Variants in RNLS observed in about 807,000 individuals in gnomAD.
RNLS encodes renalase.
In RNLS, 39 loss-of-function variants were observed where a neutral mutation model predicts 39.8. The ratio of observed to expected loss-of-function variants is 0.98; its 90% CI spans 0.76 to 1.28. RNLS has a LOEUF of 1.28. RNLS is among the 50% of genes most tolerant of loss of function. RNLS has a pLI of 0.00. For synonymous variants in RNLS, 147 were observed against 150.7 expected, an observed-to-expected ratio of 0.98 and a Z score of 0.18; for missense variants, 410 against 413.3, an observed-to-expected ratio of 0.99 and a Z score of 0.07.
chr10:88,172,796 T>G, the RNLS span, among the ~76,000 whole-genome samples: 1 of 150,540 alleles, frequency 6.6e-6, no homozygotes, highest in African/African-American at 2.4e-5. Context: ...TTCTAAGAGT[T>G]TAATAGTTTG....
At chr10:88,282,466 GA>G (rs1843048363), downstream of RNLS, among the ~76,000 whole-genome samples, 1 of 143,834 alleles carries the variant, frequency 7.0e-6, no homozygotes, top group African/African-American at 2.6e-5. Context: ...TTAGGAGGAT[GA>G]AAAGTGAAAA....
At chr10:88,310,802 A>G (rs1230638360) in intron 6 of RNLS, among the ~76,000 whole-genome samples, 12 of 111,920 alleles carry the variant, frequency 1.1e-4, no homozygotes, top group Non-Finnish European at 2.3e-4. Context: ...TACCTCTGCC[A>G]AAAAAAAAAA....
intron 4 of RNLS, among the ~76,000 whole-genome samples, chr10:88,562,895 T>A (rs1363262805): frequency 6.6e-6 from 1 of 152,118 alleles, no homozygotes; most frequent in Non-Finnish European, 1.5e-5. Context: ...AAAACTCAGG[T>A]AGGTATATTG....
At chr10:88,474,180 C>T (rs1843686881) in intron 4 of RNLS, among the ~76,000 whole-genome samples, 1 of 151,828 alleles carries the variant, frequency 6.6e-6, no homozygotes, top group Non-Finnish European at 1.5e-5. Flanking sequence ...TTTTAATGTT[C>T]TGTTAGATGA....
rs532400744 is a variant in RNLS at position 88,348,308 on chromosome 10, G to A, written c.700+14244C>T. Among the ~76,000 whole-genome samples, 29 of 152,138 alleles carry A rather than the reference G, an allele frequency of 1.9e-4. No individual in the cohort carries two copies. In the East Asian group the frequency reaches 2.9e-3, roughly 15 times the overall value. On this transcript the variant is annotated intron_variant, in intron 5 of 6. Coordinates refer to ENST00000331772, the MANE Select transcript of RNLS (RefSeq NM_001031709.3). ...CTGATTCTCATTCCTGCTTTCCCCC[G>A]GACAAATGATGGATAGAAACTATAC... is the stretch of plus-strand genomic sequence containing the variant.
chr10:88,398,942 AAC>A (rs1852735468), intron 4 of RNLS, among the ~76,000 whole-genome samples: 7 of 152,184 alleles, frequency 4.6e-5, no homozygotes, highest in African/African-American at 1.7e-4. Flanking sequence ...CAATAATAAA[AAC>A]ATAAATAACC....
chr10:88,271,189 G>C (rs1842641673), downstream of RNLS, among the ~76,000 whole-genome samples: 1 of 152,130 alleles, frequency 6.6e-6, no homozygotes, highest in African/African-American at 2.4e-5. Flanking sequence ...AAGGAGGCTT[G>C]GCTTCTAATG....
At chr10:88,325,867 A>C (rs990270438) in intron 5 of RNLS, among the ~76,000 whole-genome samples, 3 of 151,992 alleles carry the variant, frequency 2.0e-5, no homozygotes, top group Admixed American at 1.3e-4. Flanking sequence ...GTTTCCCTTC[A>C]TGCTGTTCTT....
chr10:88,215,501 A>T, the RNLS span, among the ~76,000 whole-genome samples: 103 of 152,220 alleles, frequency 6.8e-4, 1 homozygote, highest in African/African-American at 2.2e-3. Flanking sequence ...TTGCCTTGGG[A>T]AGTCCTTTTC....
At chr10:88,562,247 G>A (rs745925651) in intron 4 of RNLS, among the ~76,000 whole-genome samples, 3 of 152,006 alleles carry the variant, frequency 2.0e-5, no homozygotes, top group African/African-American at 7.2e-5. Context: ...GTTTTTCAAG[G>A]CATAGCATTT....
At chr10:88,237,166 T>C in the RNLS span, among the ~76,000 whole-genome samples, 3 of 152,278 alleles carry the variant, frequency 2.0e-5, no homozygotes, top group Non-Finnish European at 4.4e-5. Flanking sequence ...ATTTGTTACG[T>C]GAACATGTCA....
the RNLS span, among the ~76,000 whole-genome samples, chr10:88,234,851 C>T: frequency 6.6e-6 from 1 of 152,118 alleles, no homozygotes; most frequent in Admixed American, 6.5e-5. Flanking sequence ...CCAGGAAGGA[C>T]TTCATGGAGG....
At chr10:88,403,510 T>G in intron 4 of RNLS, among the ~76,000 whole-genome samples, 1 of 152,096 alleles carries the variant, frequency 6.6e-6, no homozygotes, top group East Asian at 1.9e-4. Context: ...TTCCATCAAA[T>G]AATTTTGGGT....
chr10:88,208,205 A>G, the RNLS span, among the ~76,000 whole-genome samples: 1 of 152,034 alleles, frequency 6.6e-6, no homozygotes, highest in African/African-American at 2.4e-5. Flanking sequence ...AGGTACTCAC[A>G]TCTTATGGAA....
At chr10:88,218,036 G>T in the RNLS span, among the ~76,000 whole-genome samples, 33 of 151,854 alleles carry the variant, frequency 2.2e-4, 1 homozygote, top group Non-Finnish European at 3.2e-4. Context: ...GCAAAACCTC[G>T]TCTCAAAAAG....
chr10:88,340,645 C>T (rs1220848734), intron 5 of RNLS, among the ~76,000 whole-genome samples: 2 of 151,806 alleles, frequency 1.3e-5, no homozygotes, highest in Non-Finnish European at 2.9e-5. Flanking sequence ...TATATATACT[C>T]CAGAAATTTG....
At chr10:88,312,493 T>G (rs559049509) in intron 6 of RNLS, among the ~76,000 whole-genome samples, 141 of 152,276 alleles carry the variant, frequency 9.3e-4, no homozygotes, top group African/African-American at 3.1e-3. Flanking sequence ...ACCAAGTTTT[T>G]GAGAATTTGT....
At chr10:88,542,501 T>A (rs2134290358) in intron 4 of RNLS, among the ~76,000 whole-genome samples, 1 of 152,318 alleles carries the variant, frequency 6.6e-6, no homozygotes, top group South Asian at 2.1e-4. Context: ...ATACTTGGTG[T>A]GACACTGGTG....
chr10:88,384,430 C>T (rs1851741034), intron 4 of RNLS, among the ~76,000 whole-genome samples: 2 of 152,122 alleles, frequency 1.3e-5, no homozygotes, highest in Admixed American at 1.3e-4. Context: ...CTCAGAGAGG[C>T]TAAGTAATTC....
Sources: allele counts gnomAD v4.1 joint callset (sites outside exome capture counted in the v4.1 genomes callset), GRCh38; gene constraint gnomAD v4.1.1; transcripts MANE v1.5; gene names NCBI Gene and HGNC (gene_info 2026-07-23, HGNC 2026-07-21).